CROCC2: variants seen among roughly 807,000 people sequenced by gnomAD.
The protein encoded by CROCC2 is ciliary rootlet coiled-coil, rootletin family member 2.
Under a neutral mutation model 177.6 loss-of-function variants are expected in CROCC2, and 163 were observed. The observed-to-expected ratio is 0.92, with a 90% CI of 0.81 to 1.05. CROCC2 has a LOEUF of 1.05. Among genes scored for constraint, CROCC2 ranks in the 50% least tolerant of loss-of-function variants. The pLI, the probability that CROCC2 is intolerant of heterozygous loss-of-function variation, is 0.00. For missense variants in CROCC2, 1,929 were observed against 1,797.8 expected (o/e 1.07, Z -1.32); for synonymous variants, 904 against 787.3 (o/e 1.15, Z -2.48).
At chr2:240,910,511 G>C (rs111634817) in intron 1 of CROCC2, among the ~76,000 whole-genome samples, 12 of 152,160 alleles carry the variant, frequency 7.9e-5, no homozygotes, top group African/African-American at 2.4e-4. Flanking sequence ...TGCAGGATCC[G>C]TGGGGTAACC....
chr2:240,931,152 T>C, intron 7 of CROCC2, 24 bp downstream of exon 7: 1 of 700,812 alleles, frequency 1.4e-6, no homozygotes, highest in Non-Finnish European at 2.7e-6. Flanking sequence ...GCCAGCAAGC[T>C]TGCACAGGGA....
chr2:240,935,437 C>T lies in CROCC2; in HGVS notation c.2018C>T (p.Ala673Val), dbSNP rs1339958145. 7.3e-7 allele frequency: 1 copy of T among 1,370,938 alleles called. No homozygotes were observed. Among genetic ancestry groups the T allele is most frequent in the Non-Finnish European group, 9.5e-7 (1 of 1,056,808 alleles). The allele number at this position is 1,370,938 out of a possible 1,614,324, so 84.9% of individuals were successfully genotyped here. A position where few individuals can be genotyped will look rare whatever the true frequency, so the allele number is the denominator to read the frequency against. Residue 673 changes from alanine to valine, a missense_variant, in exon 14 of 32, where the codon GCA becomes GTA. Coordinates refer to ENST00000690015, the MANE Select transcript of CROCC2 (RefSeq NM_001351305.2). ...QERARAGEQL[A>V]QAEQQLALER... ...CGGGCCCGGGCCGGGGAGCAGCTGG[C>T]ACAGGCGGAGCAGCAGCTGGCGCTG...
chr2:240,932,792 C>T lies in CROCC2; in HGVS notation c.1135C>T (p.Arg379Cys), dbSNP rs904204839. ...ACGGCGCCCACTGAGGAGCCCCCAA[C>T]GTGCCACATCCCCCCATCAAGGGGC... ...EPRRPLRSPQ[R>C]ATSPHQGASP... is the part of the protein sequence containing the mutation. Residue 379 changes from arginine to cysteine, a missense_variant, in exon 9 of 32, where the codon CGT (arginine) becomes TGT (cysteine). Physicochemically the swap from Arg to Cys is radical, Grantham distance 180. Coordinates refer to ENST00000690015, the MANE Select transcript of CROCC2 (RefSeq NM_001351305.2). 27 of 1,464,178 alleles carry T rather than the reference C, an allele frequency of 1.8e-5. No homozygotes were observed. Among genetic ancestry groups the T allele is most frequent in the African/African-American group, 7.0e-5 (5 of 71,386 alleles). The allele number at this position is 1,464,178 out of a possible 1,614,324, so 90.7% of individuals were successfully genotyped here. A position where few individuals can be genotyped will look rare whatever the true frequency, so the allele number is the denominator to read the frequency against.
chr2:240,963,753 G>A lies in CROCC2; in HGVS notation c.3285G>A (p.Arg1095=). The change falls in exon 21 of 32, where the codon AGG becomes AGA. Residue 1095 remains arginine (R), a synonymous_variant. Coordinates refer to ENST00000690015, the MANE Select transcript of CROCC2 (RefSeq NM_001351305.2). Reference sequence around the variant, plus strand: ...GCGAGCTGCGGGCCACCATCTGCAGGGCCGAACAGGAGAAGGCCAGGTATG... The same window carrying A: ...GCGAGCTGCGGGCCACCATCTGCAGAGCCGAACAGGAGAAGGCCAGGTATG... ...FNSELRATIC[R]AEQEKASFKR... 6.5e-7 allele frequency: 1 copy of A among 1,549,812 alleles called. No homozygotes were observed. Among genetic ancestry groups the A allele is most frequent in the South Asian group, 1.2e-5 (1 of 84,022 alleles).
Position 240,958,036 on chromosome 2 carries a change from C to T in CROCC2, c.2944-1265C>T, listed in dbSNP as rs2059604642. The stretch of plus-strand genomic sequence containing the variant: ...CCCTGAGTCTCCCCCGGACTCGGTA[C>T]CAGGCCTGCCAGCCAGCCGGCCTTC... On this transcript the variant is annotated intron_variant, in intron 19 of 31. Coordinates refer to ENST00000690015, the MANE Select transcript of CROCC2 (RefSeq NM_001351305.2). This position sits in a 1 kb window ranked among gnomAD's most constrained non-coding sequence, Gnocchi z 6.7. 1 of 985,282 alleles carries T rather than the reference C, an allele frequency of 1.0e-6. No individual in the cohort carries two copies. Among genetic ancestry groups the T allele is most frequent in the African/African-American group, 1.7e-5 (1 of 57,230 alleles). 61.0% of individuals were successfully genotyped at this position (985,282 alleles called of 1,614,324 possible). A position where few individuals can be genotyped will look rare whatever the true frequency, so the allele number is the denominator to read the frequency against.
chr2:240,988,942 T>A, intron 29 of CROCC2, 72 bp downstream of exon 29: 1 of 1,326,924 alleles, frequency 7.5e-7, no homozygotes, highest in Non-Finnish European at 9.7e-7. Flanking sequence ...CAGGAGGGTG[T>A]CAGTTCCAGA....
intron 3 of CROCC2, among the ~76,000 whole-genome samples, chr2:240,921,968 G>A (rs2059359638): frequency 6.6e-6 from 1 of 152,204 alleles, no homozygotes; most frequent in Admixed American, 6.5e-5. Context: ...CATCATGGTG[G>A]GTGTGGTCCT....
intron 27 of CROCC2, among the ~76,000 whole-genome samples, chr2:240,969,557 G>A (rs1263920068): frequency 2.0e-5 from 3 of 152,208 alleles, no homozygotes; most frequent in African/African-American, 7.2e-5. Context: ...CCAGGGATGG[G>A]GTCAGGACTT....
In CROCC2 at chr2:240,958,737, C is replaced by A. The variant is rs942931317; in HGVS notation, c.2944-564C>A. The A allele has an allele frequency of 1.4e-5, 4 of 293,052 alleles. No homozygotes were observed. Among genetic ancestry groups the A allele is most frequent in the African/African-American group, 9.1e-5 (4 of 43,984 alleles). The allele number at this position is 293,052 out of a possible 1,614,324, so 18.2% of individuals were successfully genotyped here. ...AGCCCCATCTGCCCTGCTGCCGCAA[C>A]CTGGGCAGGGGTGCAGTGGGGAGGG... On this transcript the variant is annotated intron_variant, in intron 19 of 31. Transcript: ENST00000690015. This position sits in a 1 kb window ranked among gnomAD's most constrained non-coding sequence, Gnocchi z 6.7.
chr2:240,964,027 G>T, intron 21 of CROCC2: 1 of 585,724 alleles, frequency 1.7e-6, no homozygotes, highest in Non-Finnish European at 3.0e-6. Flanking sequence ...CAGCAGGCAA[G>T]ATAGGTCACA....
At chr2:240,964,943 C>A (rs1217596540) in intron 22 of CROCC2, among the ~76,000 whole-genome samples, 3 of 152,214 alleles carry the variant, frequency 2.0e-5, no homozygotes, top group African/African-American at 7.2e-5. Flanking sequence ...AAGTATCCTA[C>A]ATGCAACACC....
intron 27 of CROCC2, among the ~76,000 whole-genome samples, chr2:240,974,050 C>A (rs935313012): frequency 6.6e-6 from 1 of 152,164 alleles, no homozygotes; most frequent in Non-Finnish European, 1.5e-5. Context: ...CTTACACATT[C>A]AATACGTTGC....
chr2:240,964,596 C>T lies in CROCC2; in HGVS notation c.3436C>T (p.Arg1146Cys), dbSNP rs1433836200. The T allele has an allele frequency of 1.5e-5, 24 of 1,549,290 alleles. No homozygotes were observed. Among genetic ancestry groups the T allele is most frequent in the East Asian group, 7.3e-5 (3 of 40,888 alleles). ...GCTGGAGCAGGCAGGGGGGGACGCC[C>T]GTCAGGAGCTCCGGGAACTCCACAG... Reference protein sequence around the residue: ...WELEQAGGDARQELRELHRQV... With the variant: ...WELEQAGGDACQELRELHRQV... Residue 1146 changes from arginine to cysteine, a missense_variant, in exon 22 of 32, where the codon CGT becomes TGT. This residue lies in a region of CROCC2 where 1,397 missense variants were observed against 1,239.9 expected (regional missense o/e 1.13). Coordinates refer to ENST00000690015, the MANE Select transcript of CROCC2 (RefSeq NM_001351305.2).
chr2:240,932,813 G>A lies in CROCC2; in HGVS notation c.1156G>A (p.Gly386Arg), dbSNP rs868060028. 1.7e-5 allele frequency: 26 copies of A among 1,534,486 alleles called. No individual in the cohort carries two copies. In the African/African-American group the frequency reaches 2.9e-4, roughly 17 times the overall value. ...SPQRATSPHQ[G>R]ASPPHICSPA... ...CCAACGTGCCACATCCCCCCATCAA[G>A]GGGCGTCCCCACCACACATCTGCTC... is the stretch of plus-strand genomic sequence containing the variant. The change falls in exon 9 of 32, where the codon GGG (glycine) becomes AGG (arginine). Residue 386 changes from glycine (G) to arginine (R), a missense_variant. Gly to Arg is a moderately radical substitution (Grantham distance 125). Coordinates refer to ENST00000690015, the MANE Select transcript of CROCC2 (RefSeq NM_001351305.2).
At position 240,965,942 on chromosome 2, in the gene CROCC2, C is replaced by A; in HGVS notation, c.3910C>A (p.Gln1304Lys). Residue 1304 changes from glutamine to lysine, a missense_variant, in exon 24 of 32, where the codon CAG (glutamine) becomes AAG (lysine). Coordinates refer to ENST00000690015, the MANE Select transcript of CROCC2 (RefSeq NM_001351305.2). ...CSTLRRGLGLQRQSPWASPEQ... is the reference protein window; with the variant it reads ...CSTLRRGLGLKRQSPWASPEQ... ...CACGCTCCGCCGTGGCCTGGGGCTC[C>A]AGAGACAGAGCCCGTGGGCCTCCCC... 8 of 1,406,402 alleles carry A rather than the reference C, an allele frequency of 5.7e-6. No homozygotes were observed. Among genetic ancestry groups the A allele is most frequent in the Non-Finnish European group, 7.4e-6 (8 of 1,084,552 alleles). The allele number at this position is 1,406,402 out of a possible 1,614,324, so 87.1% of individuals were successfully genotyped here.
At chr2:240,951,714 C>G (rs2059557982) in intron 18 of CROCC2, among the ~76,000 whole-genome samples, 1 of 152,210 alleles carries the variant, frequency 6.6e-6, no homozygotes, top group Admixed American at 6.5e-5. Flanking sequence ...ATCCTTTCAT[C>G]TGTCCACAAA....
chr2:240,935,044 G>A lies in CROCC2; in HGVS notation c.1920G>A (p.Leu640=). 1 of 1,381,192 alleles carries A rather than the reference G, an allele frequency of 7.2e-7. No homozygotes were observed. Among genetic ancestry groups the A allele is most frequent in the South Asian group, 1.7e-5 (1 of 57,616 alleles). 85.6% of individuals were successfully genotyped at this position (1,381,192 alleles called of 1,614,324 possible). A position where few individuals can be genotyped will look rare whatever the true frequency, so the allele number is the denominator to read the frequency against. ...GGTTGGCTCAGGACAAAAGTGCCCT[G>A]AACCACCTGGCTCTCCAGGTGAGAC... The part of the protein sequence containing the change: ...MEGLAQDKSA[L]NHLALQLEQE... Residue 640 remains leucine, a synonymous_variant, in exon 13 of 32, where the codon CTG becomes CTA. Coordinates refer to ENST00000690015, the MANE Select transcript of CROCC2 (RefSeq NM_001351305.2).
rs1261875839 is a variant in CROCC2 at position 240,972,453 on chromosome 2, C to T, written c.4401+4191C>T. ...TGGAGGGCTCCCCGGGTCCCCCAGC[C>T]ACAGCAACCCTCTTCCCTGAGGTCC... On this transcript the variant is annotated intron_variant, in intron 27 of 31. Coordinates refer to ENST00000690015, the MANE Select transcript of CROCC2 (RefSeq NM_001351305.2). The surrounding 1 kb of genome is among the most constrained non-coding windows in gnomAD (Gnocchi z 7.1). Among the ~76,000 whole-genome samples, 12 of 152,122 alleles carry T rather than the reference C, an allele frequency of 7.9e-5. No homozygotes were observed. The highest frequency in any genetic ancestry group is 7.9e-4 in the Admixed American group (12 of 15,268).
At chr2:240,943,638 C>T (rs893323334) in intron 14 of CROCC2, among the ~76,000 whole-genome samples, 1 of 151,976 alleles carries the variant, frequency 6.6e-6, no homozygotes, top group Non-Finnish European at 1.5e-5. Flanking sequence ...CAGGCATATG[C>T]CCGGCTAATT....
Sources: gnomAD v4.1 joint callset for allele counts (sites outside exome capture counted in the v4.1 genomes callset) on GRCh38, gnomAD v4.1.1 for gene constraint, gnomAD v4.1.1 regional missense constraint, Gnocchi (gnomAD v3.1) non-coding constraint, MANE v1.5 for transcripts, NCBI Gene and HGNC (gene_info 2026-07-23, HGNC 2026-07-21) for gene names.